TRAM2: variants seen among roughly 807,000 people sequenced by gnomAD.
TRAM2 encodes translocating chain-associated membrane protein 2.
A neutral mutation model predicts 51.0 loss-of-function variants in TRAM2; 12 were observed. The observed-to-expected ratio is 0.24, with a 90% CI of 0.15 to 0.38. TRAM2 has a LOEUF of 0.38. Among genes scored for constraint, TRAM2 ranks in the 10% least tolerant of loss-of-function variants. TRAM2 has a pLI of 1.00. For missense variants in TRAM2, 361 were observed against 462.0 expected (o/e 0.78, Z 2.00); for synonymous variants, 175 against 179.4 (o/e 0.98, Z 0.20).
At chr6:52,527,598 C>G (rs1766807404) in intron 2 of TRAM2, among the ~76,000 whole-genome samples, 1 of 152,102 alleles carries the variant, frequency 6.6e-6, no homozygotes, top group Non-Finnish European at 1.5e-5. Flanking sequence ...AGATGTGGGT[C>G]AGCAGGTGCT....
chr6:52,568,737 A>G (rs1767629578), intron 1 of TRAM2, among the ~76,000 whole-genome samples: 1 of 152,228 alleles, frequency 6.6e-6, no homozygotes, highest in Non-Finnish European at 1.5e-5. Context: ...GCCCCTCAAC[A>G]GCCTCTTTTT....
At chr6:52,554,519 C>CAAAAAA (rs55641649) in intron 1 of TRAM2, among the ~76,000 whole-genome samples, 4 of 109,086 alleles carry the variant, frequency 3.7e-5, no homozygotes, top group South Asian at 2.9e-4. Context: ...GACCCCATCT[C>CAAAAAA]AAAAAAAAAA....
chr6:52,528,142 C>CGAA (rs1766817263), intron 2 of TRAM2, among the ~76,000 whole-genome samples: 1 of 152,172 alleles, frequency 6.6e-6, no homozygotes, highest in Non-Finnish European at 1.5e-5. Context: ...TAAAGCTTTC[C>CGAA]AGAACCCTGG....
chr6:52,506,231 C>T, intron 7 of TRAM2, 95 bp from the exon 8 acceptor site: 1 of 1,136,660 alleles, frequency 8.8e-7, no homozygotes, highest in Non-Finnish European at 1.3e-6. Flanking sequence ...CTGTGCCTGG[C>T]TGGGCTCTGC....
At chr6:52,520,848 C>T (rs1581874925) in intron 2 of TRAM2, among the ~76,000 whole-genome samples, 1 of 152,254 alleles carries the variant, frequency 6.6e-6, no homozygotes, top group African/African-American at 2.4e-5. Flanking sequence ...CACAAATAAT[C>T]AAAAGCTATA....
At position 52,501,840 on chromosome 6, in the gene TRAM2, G is replaced by C. The variant is rs1024160021; in HGVS notation, c.*1357C>G. 6.6e-6 allele frequency: 1 copy of C among 152,100 alleles called. No homozygotes were observed. Among genetic ancestry groups the C allele is most frequent in the African/African-American group, 2.4e-5 (1 of 41,414 alleles). 9.4% of individuals were successfully genotyped at this position (152,100 alleles called of 1,614,324 possible). ...ATAACAGGCGTAAGCTACTGCGTCC[G>C]GCCGTAATTAGGACCGGCTTTTTAA... On this transcript the variant is annotated 3_prime_UTR_variant, in exon 11 of 11. Transcript: ENST00000182527.
rs1038377727 is a variant in TRAM2 at position 52,538,431 on chromosome 6, C to T, written c.121-2585G>A. On this transcript the variant is annotated intron_variant, in intron 1 of 10. Transcript: ENST00000182527. ...GAGGATGGAGGGGATAGACCCTCTC[C>T]TCAGGGCAGGAGCTGGGCCAACCGG... Among the ~76,000 whole-genome samples the T allele has an allele frequency of 3.3e-5, 5 of 152,258 alleles. No individual in the cohort carries two copies. In the South Asian group the frequency reaches 1.0e-3, roughly 32 times the overall value.
At chr6:52,535,731 G>A (rs2073179) in intron 2 of TRAM2, 52 bp downstream of exon 2, 180,450 of 1,511,660 alleles carry the variant, frequency 0.12, 14,598 homozygotes, top group East Asian at 0.47. Context: ...AAGCTTTCCA[G>A]GTCCTTCAGG....
intron 1 of TRAM2, among the ~76,000 whole-genome samples, chr6:52,564,077 G>A (rs148842803): frequency 4.6e-5 from 7 of 152,126 alleles, no homozygotes; most frequent in South Asian, 2.1e-4. Flanking sequence ...CAGCAGAAAG[G>A]CAACTCACAC....
At chr6:52,576,772 G>A in intron 1 of TRAM2, 24 bp downstream of exon 1, 2 of 1,609,840 alleles carry the variant, frequency 1.2e-6, no homozygotes, top group Non-Finnish European at 1.7e-6. Context: ...TGTCCCTCCA[G>A]CTCCCTCCTC....
In TRAM2 at chr6:52,556,667, C is replaced by T. The variant is rs145931030; in HGVS notation, c.120+20129G>A. 4.6e-5 allele frequency among the ~76,000 whole-genome samples: 7 copies of T among 152,124 alleles called. No homozygotes were observed. In the East Asian group the frequency reaches 1.4e-3, roughly 30 times the overall value. On this transcript the variant is annotated intron_variant, in intron 1 of 10. Coordinates refer to ENST00000182527, the MANE Select transcript of TRAM2 (RefSeq NM_012288.4). The stretch of plus-strand genomic sequence containing the variant: ...TATAGGCCAGGCACAGTGGCTCATG[C>T]CTGTAATCCCAGCTCTTTGGGAGGC...
At chr6:52,555,498 G>A (rs998556951) in intron 1 of TRAM2, among the ~76,000 whole-genome samples, 3 of 151,984 alleles carry the variant, frequency 2.0e-5, no homozygotes, top group African/African-American at 7.3e-5. Flanking sequence ...GAAAAACACT[G>A]GTGCTATTTT....
intron 1 of TRAM2, among the ~76,000 whole-genome samples, chr6:52,541,322 C>T (rs1190581679): frequency 6.6e-6 from 1 of 151,898 alleles, no homozygotes; most frequent in Admixed American, 6.5e-5. Context: ...GTCATCCCCA[C>T]AATGACCCTA....
intron 2 of TRAM2, 102 bp downstream of exon 2, chr6:52,535,680 AT>A: frequency 9.7e-7 from 1 of 1,026,352 alleles, no homozygotes; most frequent in Non-Finnish European, 1.5e-6. Context: ...AGACTCCGTC[AT>A]GGGGGAAAAA....
At chr6:52,562,579 C>T (rs776808213) in intron 1 of TRAM2, among the ~76,000 whole-genome samples, 70 of 152,236 alleles carry the variant, frequency 4.6e-4, no homozygotes, top group Admixed American at 1.4e-3. Flanking sequence ...TTAAATTATA[C>T]TTTAAGTTCT....
Position 52,498,040 on chromosome 6 carries a change from A to AT in TRAM2, c.*5156dup, listed in dbSNP as rs1766123187. On this transcript the variant is annotated 3_prime_UTR_variant, in exon 11 of 11. Coordinates refer to ENST00000182527, the MANE Select transcript of TRAM2 (RefSeq NM_012288.4). ...AGAATGGTTTTTTCCTCTTCAACACATTTTTTAAAAATAGACCTCTAAGAT... is the reference window on the plus strand; with the variant it reads ...AGAATGGTTTTTTCCTCTTCAACACATTTTTTTAAAAATAGACCTCTAAGAT... The AT allele has an allele frequency of 6.6e-6, 1 of 152,210 alleles. No homozygotes were observed. Among genetic ancestry groups the AT allele is most frequent in the Non-Finnish European group, 1.5e-5 (1 of 68,046 alleles). 9.4% of individuals were successfully genotyped at this position (152,210 alleles called of 1,614,324 possible). A position where few individuals can be genotyped will look rare whatever the true frequency, so the allele number is the denominator to read the frequency against.
chr6:52,509,290 G>A (rs914445472), intron 5 of TRAM2, among the ~76,000 whole-genome samples: 3 of 152,354 alleles, frequency 2.0e-5, no homozygotes, highest in South Asian at 2.1e-4. Context: ...TCTGTCTCAT[G>A]CAGTTGAGGG....
At chr6:52,558,850 G>C (rs532239750) in intron 1 of TRAM2, among the ~76,000 whole-genome samples, 160 of 152,306 alleles carry the variant, frequency 1.1e-3, no homozygotes, top group African/African-American at 3.3e-3. Context: ...TCAGTGGCTA[G>C]AGATGTGGCC....
chr6:52,512,232 G>GA (rs1266291672), intron 4 of TRAM2, among the ~76,000 whole-genome samples: 1 of 152,178 alleles, frequency 6.6e-6, no homozygotes, highest in African/African-American at 2.4e-5. Flanking sequence ...GTAAAGCCCA[G>GA]AAAATCTCGT....
Sources: gnomAD v4.1 joint callset for allele counts (sites outside exome capture counted in the v4.1 genomes callset) on GRCh38, gnomAD v4.1.1 for gene constraint, MANE v1.5 for transcripts, NCBI Gene and HGNC (gene_info 2026-07-23, HGNC 2026-07-21) for gene names.